NSMCE2: variants seen among roughly 807,000 people sequenced by gnomAD.
NSMCE2 encodes E3 SUMO-protein ligase NSE2.
A neutral mutation model predicts 23.8 loss-of-function variants in NSMCE2; 24 were observed. The ratio of observed to expected loss-of-function variants is 1.01; its 90% CI spans 0.73 to 1.42. The LOEUF is 1.42. Ranked by LOEUF, NSMCE2 falls within the 40% of genes most tolerant of loss-of-function variation. The pLI is 0.00. For missense variants in NSMCE2, 284 were observed against 296.5 expected, an observed-to-expected ratio of 0.96 and a Z score of 0.31; for synonymous variants, 92 against 94.1, an observed-to-expected ratio of 0.98 and a Z score of 0.13.
intron 5 of NSMCE2, among the ~76,000 whole-genome samples, chr8:125,184,546 C>T (rs1437630582): frequency 6.6e-6 from 1 of 151,856 alleles, no homozygotes; most frequent in Non-Finnish European, 1.5e-5. Context: ...AAAAATTTCC[C>T]CTAGAATTTT....
In NSMCE2 at chr8:125,258,301, G is replaced by A. The variant is rs143271566; in HGVS notation, c.418+76045G>A. ...GGTGAGTCTTAGAGTAGTCTTTTAA[G>A]AAAATGGAAACAAGGGCTAGCTCAC... On this transcript the variant is annotated intron_variant, in intron 5 of 7. Transcript: ENST00000287437. 1.3e-3 allele frequency among the ~76,000 whole-genome samples: 199 copies of A among 152,288 alleles called. 2 individuals carry two copies. The East Asian group carries it at 0.032, about 24-fold the overall frequency.
At chr8:125,355,384 AC>A (rs1813212787) in intron 5 of NSMCE2, among the ~76,000 whole-genome samples, 1 of 152,184 alleles carries the variant, frequency 6.6e-6, no homozygotes, top group African/African-American at 2.4e-5. Flanking sequence ...AAAGGACTAC[AC>A]CATCAACATG....
At chr8:125,275,437 C>T (rs375257341) in intron 5 of NSMCE2, among the ~76,000 whole-genome samples, 18 of 152,258 alleles carry the variant, frequency 1.2e-4, no homozygotes, top group Admixed American at 5.2e-4. Flanking sequence ...CTTCCCTGTA[C>T]CCTCCCATGG....
intron 5 of NSMCE2, among the ~76,000 whole-genome samples, chr8:125,313,306 G>A (rs893024933): frequency 2.0e-5 from 3 of 152,128 alleles, no homozygotes; most frequent in African/African-American, 7.2e-5. Flanking sequence ...GAGCACAGGG[G>A]GAGAGTGGTG....
chr8:125,286,466 C>G (rs1827906373), intron 5 of NSMCE2, among the ~76,000 whole-genome samples: 1 of 151,952 alleles, frequency 6.6e-6, no homozygotes, highest in Non-Finnish European at 1.5e-5. Flanking sequence ...GCGCCCACCA[C>G]CATGACGGCT....
At chr8:125,152,704 G>A (rs1821100090) in intron 4 of NSMCE2, among the ~76,000 whole-genome samples, 1 of 152,082 alleles carries the variant, frequency 6.6e-6, no homozygotes, top group Non-Finnish European at 1.5e-5. Flanking sequence ...ACGTTATGTT[G>A]ATTTTTTTTC....
intron 5 of NSMCE2, among the ~76,000 whole-genome samples, chr8:125,209,286 A>G (rs1395330843): frequency 1.3e-5 from 2 of 152,260 alleles, no homozygotes; most frequent in Non-Finnish European, 2.9e-5. Flanking sequence ...GAAGTACAAC[A>G]TAGACAAAAG....
chr8:125,127,527 CA>C (rs1370334707), intron 3 of NSMCE2, among the ~76,000 whole-genome samples: 6 of 152,284 alleles, frequency 3.9e-5, no homozygotes, highest in Admixed American at 3.9e-4. Context: ...AACCAGTTAA[CA>C]AAGAAAGATT....
At chr8:125,179,906 CT>C (rs1822714986) in intron 4 of NSMCE2, among the ~76,000 whole-genome samples, 2 of 152,194 alleles carry the variant, frequency 1.3e-5, no homozygotes, top group African/African-American at 4.8e-5. Flanking sequence ...TTATTATCTG[CT>C]TAGATCATCC....
At chr8:125,242,080 G>A (rs1219515911) in intron 5 of NSMCE2, among the ~76,000 whole-genome samples, 2 of 151,960 alleles carry the variant, frequency 1.3e-5, no homozygotes, top group African/African-American at 2.4e-5. Context: ...TCTAATGGAA[G>A]TGTATCTCTA....
At chr8:125,352,099 A>G (rs1401810881) in intron 5 of NSMCE2, among the ~76,000 whole-genome samples, 1 of 152,234 alleles carries the variant, frequency 6.6e-6, no homozygotes, top group African/African-American at 2.4e-5. Flanking sequence ...GTATTTTGTT[A>G]GGAGTAAATG....
intron 3 of NSMCE2, among the ~76,000 whole-genome samples, chr8:125,140,567 G>A (rs1238431676): frequency 6.6e-6 from 1 of 151,938 alleles, no homozygotes; most frequent in African/African-American, 2.4e-5. Context: ...GGAGGCTGAG[G>A]TTCAATCGCA....
In NSMCE2 at chr8:125,166,137, C is replaced by T. The variant is rs142315892; in HGVS notation, c.264+14860C>T. On this transcript the variant is annotated intron_variant, in intron 4 of 7. Transcript: ENST00000287437. ...GACAAGGGATTTGAAATCAGACTTA[C>T]TATTTATTAGAAAAGTCATGGCACT... 5.0e-3 allele frequency among the ~76,000 whole-genome samples: 765 copies of T among 152,220 alleles called. 8 individuals carry two copies. Among genetic ancestry groups the T allele is most frequent in the African/African-American group, 0.018 (736 of 41,518 alleles).
chr8:125,335,168 T>C (rs1370457653), intron 5 of NSMCE2, among the ~76,000 whole-genome samples: 1 of 152,016 alleles, frequency 6.6e-6, no homozygotes, highest in Non-Finnish European at 1.5e-5. Context: ...AGCCACCCAC[T>C]CAGAATTACT....
intron 5 of NSMCE2, among the ~76,000 whole-genome samples, chr8:125,294,086 C>G (rs1341139191): frequency 1.3e-5 from 2 of 152,160 alleles, no homozygotes; most frequent in African/African-American, 2.4e-5. Context: ...TGGATTCTTT[C>G]ACTTGGCATA....
At chr8:125,245,150 G>C (rs1172939987) in intron 5 of NSMCE2, among the ~76,000 whole-genome samples, 1 of 152,130 alleles carries the variant, frequency 6.6e-6, no homozygotes, top group African/African-American at 2.4e-5. Flanking sequence ...CGGCGTGGTG[G>C]TGGACACCTG....
intron 5 of NSMCE2, among the ~76,000 whole-genome samples, chr8:125,250,577 A>G (rs528728268): frequency 6.6e-6 from 1 of 152,322 alleles, no homozygotes; most frequent in Non-Finnish European, 1.5e-5. Context: ...TTAAATTTTT[A>G]TAGCTATAAT....
chr8:125,185,061 A>G (rs1221595264), intron 5 of NSMCE2, among the ~76,000 whole-genome samples: 1 of 152,284 alleles, frequency 6.6e-6, no homozygotes, highest in East Asian at 1.9e-4. Context: ...TTTATTATAT[A>G]AGAACATAAA....
At chr8:125,349,562 A>C (rs1812941899) in intron 5 of NSMCE2, among the ~76,000 whole-genome samples, 1 of 149,842 alleles carries the variant, frequency 6.7e-6, no homozygotes, top group African/African-American at 2.5e-5. Context: ...CAGCCTCAGC[A>C]ACATAGTGAG....
Sources: allele counts gnomAD v4.1 joint callset (sites outside exome capture counted in the v4.1 genomes callset), GRCh38; gene constraint gnomAD v4.1.1; transcripts MANE v1.5; gene names NCBI Gene and HGNC (gene_info 2026-07-23, HGNC 2026-07-21).